CDH12: variants seen among roughly 807,000 people sequenced by gnomAD.
The protein encoded by CDH12 is cadherin-12.
In CDH12, 41 loss-of-function variants were observed where a neutral mutation model predicts 74.1. The observed-to-expected ratio is 0.55, with a 90% CI of 0.43 to 0.72. CDH12 has a LOEUF of 0.72. Among genes scored for constraint, CDH12 ranks in the 30% least tolerant of loss-of-function variants. The pLI, the probability that CDH12 is intolerant of heterozygous loss-of-function variation, is 0.00. For synonymous variants in CDH12, 399 were observed against 355.0 expected (o/e 1.12, Z -1.39); for missense variants, 945 against 977.2 (o/e 0.97, Z 0.44).
At chr5:22,375,266 T>C (rs1026074824) in intron 3 of CDH12, among the ~76,000 whole-genome samples, 2 of 152,130 alleles carry the variant, frequency 1.3e-5, no homozygotes, top group East Asian at 3.9e-4. Context: ...AATGGACTCC[T>C]ATCTCTCCCC....
In CDH12 at chr5:21,760,637, T is replaced by C; in HGVS notation, c.1554A>G (p.Ser518=). The C allele has an allele frequency of 6.2e-7, 1 of 1,611,652 alleles. No homozygotes were observed. The highest frequency in any genetic ancestry group is 8.5e-7 in the Non-Finnish European group (1 of 1,178,014). ...TAAAGGAGAATTGTTGCCCAGCAGG[T>C]GAAAGATCTCGGTCTGCAGCACTGA... is the stretch of plus-strand genomic sequence containing the variant. ...QIVSAADRDL[S]PAGQQFSFRL... Residue 518 remains serine, a synonymous_variant, in exon 13 of 15, where the codon TCA becomes TCG. Transcript: ENST00000382254.
chr5:22,421,117 T>C (rs769793211), intron 2 of CDH12, among the ~76,000 whole-genome samples: 45 of 152,184 alleles, frequency 3.0e-4, no homozygotes, highest in Admixed American at 1.4e-3. Flanking sequence ...TTTCTAGATA[T>C]AGGATCATGT....
chr5:21,865,300 C>T (rs553613479), intron 6 of CDH12, among the ~76,000 whole-genome samples: 1 of 152,208 alleles, frequency 6.6e-6, no homozygotes, highest in African/African-American at 2.4e-5. Context: ...GTATTTTAGC[C>T]TAGCCATCTA....
At chr5:22,524,729 A>C (rs945532752) in intron 1 of CDH12, among the ~76,000 whole-genome samples, 1 of 152,182 alleles carries the variant, frequency 6.6e-6, no homozygotes. Flanking sequence ...ACAGTAAGTC[A>C]TCTTTATTGC....
chr5:22,310,221 G>A lies in CDH12; in HGVS notation c.-333+95036C>T, dbSNP rs200832417. On this transcript the variant is annotated intron_variant, in intron 3 of 14. Transcript: ENST00000382254. The stretch of plus-strand genomic sequence containing the variant: ...CACGCCTGTATTCCCTGCACTTTGG[G>A]AGGCTGAGGTGGGTGGTTCACCTGA... Among the ~76,000 whole-genome samples, 44 of 152,150 alleles carry A rather than the reference G, an allele frequency of 2.9e-4. 1 individual carries two copies. In the East Asian group the frequency reaches 4.5e-3, roughly 15 times the overall value.
At chr5:22,035,125 T>G (rs1739081150) in intron 5 of CDH12, among the ~76,000 whole-genome samples, 1 of 152,146 alleles carries the variant, frequency 6.6e-6, no homozygotes, top group Admixed American at 6.6e-5. Flanking sequence ...CATATAAAGT[T>G]CCTTTATATT....
chr5:22,642,818 C>T (rs911499655), intron 1 of CDH12, among the ~76,000 whole-genome samples: 1 of 151,956 alleles, frequency 6.6e-6, no homozygotes, highest in Admixed American at 6.6e-5. Context: ...AGATAAAAAT[C>T]TATAGATAAT....
chr5:22,066,634 G>A (rs538729349), intron 5 of CDH12, among the ~76,000 whole-genome samples: 14 of 152,262 alleles, frequency 9.2e-5, no homozygotes, highest in South Asian at 2.1e-4. Flanking sequence ...GTTCCCTGAC[G>A]TGGAAGTGAG....
chr5:21,883,411 TC>T (rs1752462285), intron 6 of CDH12: 1 of 1,568,550 alleles, frequency 6.4e-7, no homozygotes, highest in Non-Finnish European at 8.8e-7. Flanking sequence ...TTGGTGATAA[TC>T]GCTGAAGATG....
rs141952886 is a variant in CDH12 at position 22,488,844 on chromosome 5, CA to C, written c.-428+16425del. On this transcript the variant is annotated intron_variant, in intron 2 of 14. Transcript: ENST00000382254. ...CCTCTTGCACCCTCTATCTACTGGC[CA>C]ATACTGGTACTTCCCTATGTTGTCC... 9.0e-3 allele frequency among the ~76,000 whole-genome samples: 1,367 copies of C among 152,010 alleles called. 16 individuals are homozygous for C. The highest frequency in any genetic ancestry group is 0.031 in the African/African-American group (1,281 of 41,416).
At chr5:22,525,174 G>T (rs1488220296) in intron 1 of CDH12, among the ~76,000 whole-genome samples, 2 of 152,126 alleles carry the variant, frequency 1.3e-5, no homozygotes, top group Non-Finnish European at 1.5e-5. Flanking sequence ...ATTCCATGGT[G>T]TGTATGTGCC....
intron 6 of CDH12, among the ~76,000 whole-genome samples, chr5:21,972,527 A>T (rs1346198267): frequency 2.0e-5 from 3 of 152,196 alleles, no homozygotes; most frequent in Non-Finnish European, 2.9e-5. Flanking sequence ...TTATTACAGC[A>T]GTGAACTATT....
intron 2 of CDH12, among the ~76,000 whole-genome samples, chr5:22,493,986 G>A (rs981708161): frequency 6.6e-6 from 1 of 152,124 alleles, no homozygotes; most frequent in Non-Finnish European, 1.5e-5. Flanking sequence ...CAGTGTTCAG[G>A]TGATCAGATA....
At chr5:22,697,443 G>A (rs918919238) in intron 1 of CDH12, among the ~76,000 whole-genome samples, 1 of 151,754 alleles carries the variant, frequency 6.6e-6, no homozygotes, top group South Asian at 2.1e-4. Context: ...GTGGTGGCGG[G>A]CCCCTGTGGT....
intron 1 of CDH12, among the ~76,000 whole-genome samples, chr5:22,707,055 C>T (rs1465600966): frequency 6.6e-6 from 1 of 152,104 alleles, no homozygotes; most frequent in Non-Finnish European, 1.5e-5. Context: ...TTGAACTGAT[C>T]AGTCATCTGG....
intron 5 of CDH12, among the ~76,000 whole-genome samples, chr5:21,995,840 T>A (rs552252110): frequency 2.4e-4 from 36 of 152,088 alleles, no homozygotes; most frequent in Non-Finnish European, 4.6e-4. Context: ...CAACTACTGC[T>A]GTATTTTTAG....
intron 3 of CDH12, among the ~76,000 whole-genome samples, chr5:22,307,260 C>T (rs1330308426): frequency 2.0e-5 from 3 of 152,110 alleles, no homozygotes; most frequent in Non-Finnish European, 2.9e-5. Context: ...TGGCATTTTC[C>T]AGAGAGTAAA....
intron 5 of CDH12, among the ~76,000 whole-genome samples, chr5:22,031,941 C>T: frequency 6.6e-6 from 1 of 151,910 alleles, no homozygotes. Context: ...ACAAAGTGAA[C>T]CCATGTTGCA....
Position 21,750,823 on chromosome 5 carries a change from C to G in CDH12, c.*914G>C, listed in dbSNP as rs1397481982. On this transcript the variant is annotated 3_prime_UTR_variant, in exon 15 of 15. Coordinates refer to ENST00000382254, the MANE Select transcript of CDH12 (RefSeq NM_004061.5). Reference sequence around the variant, plus strand: ...TTGAAATTACATCTATGACTAAAAGCTGAATCTGGTGACTGTTAAAACCAA... The same window carrying G: ...TTGAAATTACATCTATGACTAAAAGGTGAATCTGGTGACTGTTAAAACCAA... The G allele has an allele frequency of 6.6e-6, 1 of 152,056 alleles. No homozygotes were observed. Among genetic ancestry groups the G allele is most frequent in the East Asian group, 1.9e-4 (1 of 5,194 alleles). 9.4% of individuals were successfully genotyped at this position (152,056 alleles called of 1,614,324 possible). A position where few individuals can be genotyped will look rare whatever the true frequency, so the allele number is the denominator to read the frequency against.
Sources: allele counts gnomAD v4.1 joint callset (sites outside exome capture counted in the v4.1 genomes callset), GRCh38; gene constraint gnomAD v4.1.1; transcripts MANE v1.5; gene names NCBI Gene and HGNC (gene_info 2026-07-23, HGNC 2026-07-21).